The following GRID1 variants were observed in gnomAD, a reference collection of about 807,000 sequenced individuals.
GRID1 encodes glutamate receptor ionotropic, delta-1.
In GRID1, 28 loss-of-function variants were observed where a neutral mutation model predicts 98.0. The observed-to-expected ratio is 0.29, with a 90% CI of 0.21 to 0.39. GRID1 has a LOEUF of 0.39. GRID1 is among the 10% of genes least tolerant of loss of function. The pLI is 1.00. For synonymous variants in GRID1, 553 were observed against 538.5 expected (o/e 1.03, Z -0.37); for missense variants, 1,111 against 1,340.5 (o/e 0.83, Z 2.67).
intron 4 of GRID1, among the ~76,000 whole-genome samples, chr10:86,049,519 C>G (rs966043042): frequency 6.6e-6 from 1 of 152,214 alleles, no homozygotes; most frequent in African/African-American, 2.4e-5. Flanking sequence ...GCAAGTCCGG[C>G]TATGCCACAC....
chr10:85,924,210 T>G (rs1841744680), intron 4 of GRID1, among the ~76,000 whole-genome samples: 1 of 152,222 alleles, frequency 6.6e-6, no homozygotes, highest in Admixed American at 6.5e-5. Context: ...AATGTACAGG[T>G]GGCCTTTGCT....
chr10:85,717,909 C>G (rs560738776), intron 12 of GRID1, among the ~76,000 whole-genome samples: 234 of 112,368 alleles, frequency 2.1e-3, no homozygotes, highest in African/African-American at 7.6e-3. Flanking sequence ...GTCCGAAATC[C>G]AGTGGGCAGT....
At chr10:85,955,122 C>T (rs1842172620) in intron 4 of GRID1, among the ~76,000 whole-genome samples, 1 of 152,186 alleles carries the variant, frequency 6.6e-6, no homozygotes, top group Admixed American at 6.5e-5. Context: ...CTGGGTGACT[C>T]CCAGCTTCTG....
chr10:85,940,766 G>A (rs1370138746), intron 4 of GRID1, among the ~76,000 whole-genome samples: 1 of 152,228 alleles, frequency 6.6e-6, no homozygotes, highest in Non-Finnish European at 1.5e-5. Flanking sequence ...CTGGACAAAA[G>A]CACTGTTGAC....
chr10:86,343,945 G>A (rs1353358190), intron 2 of GRID1, among the ~76,000 whole-genome samples: 3 of 152,272 alleles, frequency 2.0e-5, no homozygotes, highest in Non-Finnish European at 4.4e-5. Context: ...GGGAGCTGGG[G>A]TGGGAAAGCA....
intron 4 of GRID1, among the ~76,000 whole-genome samples, chr10:86,027,419 G>A (rs138625097): frequency 6.0e-4 from 92 of 152,334 alleles, no homozygotes; most frequent in Middle Eastern, 3.4e-3. Context: ...TGTAACATGT[G>A]TCAGAACTGC....
rs1474800492 is a variant in GRID1 at position 86,366,421 on chromosome 10, G to C, written c.-29C>G. The C allele has an allele frequency of 2.7e-6, 4 of 1,462,300 alleles. No homozygotes were observed. In the South Asian group the frequency reaches 5.1e-5, roughly 19 times the overall value. 90.6% of individuals were successfully genotyped at this position (1,462,300 alleles called of 1,614,324 possible). ...CCCCGGGCGCGCGGCTCATCCACCC[G>C]GGCCCGGGGCGAGGCCGAGGGCAGC... On this transcript the variant is annotated 5_prime_UTR_variant, in exon 1 of 16. Transcript: ENST00000327946. This position sits in a 1 kb window ranked among gnomAD's most constrained non-coding sequence, Gnocchi z 4.1.
intron 4 of GRID1, among the ~76,000 whole-genome samples, chr10:86,072,273 C>T (rs1046580461): frequency 2.0e-5 from 3 of 152,116 alleles, no homozygotes; most frequent in South Asian, 2.1e-4. Flanking sequence ...ATAGCTCACA[C>T]GAGGATGAAA....
intron 5 of GRID1, among the ~76,000 whole-genome samples, chr10:85,909,282 C>T (rs148713591): frequency 2.0e-5 from 3 of 152,266 alleles, no homozygotes; most frequent in Admixed American, 6.5e-5. Context: ...TCAAAAACCC[C>T]GACCATACCA....
chr10:86,320,162 T>G (rs1847950041), intron 2 of GRID1, among the ~76,000 whole-genome samples: 1 of 152,238 alleles, frequency 6.6e-6, no homozygotes, highest in Non-Finnish European at 1.5e-5. Flanking sequence ...CTAGCCCTGC[T>G]GGGAACGAAA....
chr10:85,842,314 T>C (rs1345533170), intron 8 of GRID1, among the ~76,000 whole-genome samples: 2 of 152,018 alleles, frequency 1.3e-5, no homozygotes, highest in East Asian at 1.9e-4. Flanking sequence ...TGAGGCCTAT[T>C]GGAGAGCAGA....
intron 4 of GRID1, among the ~76,000 whole-genome samples, chr10:85,923,217 A>G (rs1841729719): frequency 6.6e-6 from 1 of 152,110 alleles, no homozygotes; most frequent in Non-Finnish European, 1.5e-5. Flanking sequence ...CTTGGCAGGA[A>G]CAGGAAACAC....
At chr10:86,327,120 A>G in intron 2 of GRID1, among the ~76,000 whole-genome samples, 1 of 152,216 alleles carries the variant, frequency 6.6e-6, no homozygotes, top group Non-Finnish European at 1.5e-5. Context: ...TGGGCGACAG[A>G]GCAACACTCC....
intron 4 of GRID1, among the ~76,000 whole-genome samples, chr10:86,091,200 C>A (rs1336609320): frequency 6.6e-6 from 1 of 152,150 alleles, no homozygotes; most frequent in East Asian, 1.9e-4. Context: ...AAGAACCAAG[C>A]CCTTTTCTCT....
At chr10:85,989,812 C>T (rs529835386) in intron 4 of GRID1, among the ~76,000 whole-genome samples, 7 of 152,294 alleles carry the variant, frequency 4.6e-5, no homozygotes, top group African/African-American at 1.4e-4. Flanking sequence ...CAGTTTATAT[C>T]TCTGCAAAAT....
Position 86,094,787 on chromosome 10 carries a change from C to T in GRID1, c.726+44032G>A, listed in dbSNP as rs562181858. On this transcript the variant is annotated intron_variant, in intron 4 of 15. Transcript: ENST00000327946. ...TGCCAAAAGCTATCTACAAATTCAA[C>T]GCAATCCCCATCAGAATACCGCCAT... Among the ~76,000 whole-genome samples the T allele has an allele frequency of 2.1e-4, 32 of 151,268 alleles. 1 individual carries two copies. In the South Asian group the frequency reaches 2.5e-3, roughly 12 times the overall value.
chr10:86,004,625 T>G (rs1397474837), intron 4 of GRID1, among the ~76,000 whole-genome samples: 1 of 152,172 alleles, frequency 6.6e-6, no homozygotes, highest in African/African-American at 2.4e-5. Flanking sequence ...GGCCCTCTCC[T>G]GGGTCTCCAA....
At position 85,823,013 on chromosome 10, in the gene GRID1, G is replaced by T. The variant is rs537013684; in HGVS notation, c.1233+31483C>A. 3.3e-5 allele frequency among the ~76,000 whole-genome samples: 5 copies of T among 152,216 alleles called. No individual in the cohort carries two copies. The East Asian group carries it at 9.7e-4, about 29-fold the overall frequency. On this transcript the variant is annotated intron_variant, in intron 8 of 15. Coordinates refer to ENST00000327946, the MANE Select transcript of GRID1 (RefSeq NM_017551.3). The stretch of plus-strand genomic sequence containing the variant: ...TGAGAACACCTGGACACAGGAAGGG[G>T]AACATCACACACCAGGGCCTGTCAT...
intron 12 of GRID1, among the ~76,000 whole-genome samples, chr10:85,677,854 C>A (rs117462921): frequency 2.6e-5 from 4 of 152,036 alleles, no homozygotes; most frequent in East Asian, 1.9e-4. Flanking sequence ...AAGAGAGACA[C>A]GCTCCATTTT....
Sources: allele counts gnomAD v4.1 joint callset (sites outside exome capture counted in the v4.1 genomes callset), GRCh38; gene constraint gnomAD v4.1.1; non-coding constraint Gnocchi (gnomAD v3.1); transcripts MANE v1.5; gene names NCBI Gene and HGNC (gene_info 2026-07-23, HGNC 2026-07-21).